SLC36A1: variants seen among roughly 807,000 people sequenced by gnomAD.
SLC36A1 encodes solute carrier family 36 member 1, also known as proton-coupled amino acid transporter 1.
Under a neutral mutation model 47.5 loss-of-function variants are expected in SLC36A1, and 30 were observed. That is an observed-to-expected ratio of 0.63 (90% confidence interval 0.47 to 0.86). SLC36A1 has a LOEUF of 0.86. Ranked by LOEUF, SLC36A1 falls within the 40% of genes least tolerant of loss-of-function variation. SLC36A1 has a pLI of 0.00. For missense variants in SLC36A1, 517 were observed against 606.0 expected, an observed-to-expected ratio of 0.85 and a Z score of 1.54; for synonymous variants, 255 against 249.7, an observed-to-expected ratio of 1.02 and a Z score of -0.20.
chr5:151,383,923 T>G, the SLC36A1 span, among the ~76,000 whole-genome samples: 2 of 152,214 alleles, frequency 1.3e-5, no homozygotes, highest in Non-Finnish European at 2.9e-5. Flanking sequence ...GGTACGTTAT[T>G]GGTATTTCAT....
At position 151,488,105 on chromosome 5, in the gene SLC36A1, G is replaced by A. The variant is rs1759804657; in HGVS notation, c.1282G>A (p.Gly428Ser). Residue 428 changes from glycine to serine, a missense_variant, in exon 11 of 11, where the codon GGC (glycine) becomes AGC (serine). By Grantham distance (56) the Gly-to-Ser change is moderately conservative. Transcript: ENST00000243389. ...LLEVTTFYSEGMSPLTIFKDA... is the reference protein window; with the variant it reads ...LLEVTTFYSESMSPLTIFKDA... ...GGAGGTCACCACCTTCTACTCAGAG[G>A]GCATGAGCCCCCTCACCATCTTTAA... 12 of 1,614,136 alleles carry A rather than the reference G, an allele frequency of 7.4e-6. No individual in the cohort carries two copies. In the East Asian group the frequency reaches 2.7e-4, roughly 36 times the overall value.
chr5:151,380,618 A>C, the SLC36A1 span: 1 of 551,454 alleles, frequency 1.8e-6, no homozygotes, highest in Non-Finnish European at 3.7e-6. Flanking sequence ...GAACTTCGTC[A>C]GTTTGTAGAT....
chr5:151,366,360 C>T, the SLC36A1 span: 18 of 168,148 alleles, frequency 1.1e-4, no homozygotes, highest in South Asian at 1.5e-3. Context: ...GGAAGTGAAG[C>T]GGGAAATGTT....
the SLC36A1 span, among the ~76,000 whole-genome samples, chr5:151,368,606 C>G: frequency 2.6e-5 from 4 of 152,188 alleles, no homozygotes; most frequent in Admixed American, 1.3e-4. Context: ...TCCTGAACCA[C>G]CTTCTTACCC....
At chr5:151,529,463 G>A in the SLC36A1 span, 5 of 1,366,032 alleles carry the variant, frequency 3.7e-6, no homozygotes, top group Non-Finnish European at 4.2e-6. Flanking sequence ...GAGGGTCTGA[G>A]CCCAGCCCTA....
At chr5:151,511,392 TA>T in the SLC36A1 span, 4 of 152,322 alleles carry the variant, frequency 2.6e-5, no homozygotes, top group East Asian at 7.7e-4. Flanking sequence ...ATGTATAGAA[TA>T]GCCATGCTGA....
the SLC36A1 span, chr5:151,507,257 C>G: frequency 6.2e-7 from 1 of 1,614,038 alleles, no homozygotes; most frequent in Non-Finnish European, 8.5e-7. Context: ...AGACCACTGG[C>G]CGTTGCTTAG....
the SLC36A1 span, among the ~76,000 whole-genome samples, chr5:151,394,815 G>T: frequency 2.0e-5 from 3 of 152,188 alleles, no homozygotes; most frequent in Non-Finnish European, 2.9e-5. Flanking sequence ...TGCCCCTACT[G>T]GGGGGTGCCT....
At chr5:151,538,491 C>T in the SLC36A1 span, among the ~76,000 whole-genome samples, 1 of 152,150 alleles carries the variant, frequency 6.6e-6, no homozygotes, top group Non-Finnish European at 1.5e-5. Flanking sequence ...GCCCACCCTC[C>T]CTTTGCTGCA....
At chr5:151,420,656 T>G in the SLC36A1 span, among the ~76,000 whole-genome samples, 1 of 152,164 alleles carries the variant, frequency 6.6e-6, no homozygotes. Flanking sequence ...TAGTACCTAT[T>G]ATAAAAAGTC....
chr5:151,411,540 G>T, the SLC36A1 span, among the ~76,000 whole-genome samples: 1 of 144,822 alleles, frequency 6.9e-6, no homozygotes, highest in Admixed American at 6.8e-5. Flanking sequence ...TGTGGACAGA[G>T]CCAGCTCACA....
chr5:151,360,926 C>T, the SLC36A1 span, among the ~76,000 whole-genome samples: 1 of 152,190 alleles, frequency 6.6e-6, no homozygotes, highest in Non-Finnish European at 1.5e-5. Flanking sequence ...TATCTTGAAA[C>T]CCTTCACTCC....
chr5:151,498,940 C>G, the SLC36A1 span, among the ~76,000 whole-genome samples: 1 of 152,194 alleles, frequency 6.6e-6, no homozygotes, highest in Non-Finnish European at 1.5e-5. Context: ...CGTGGCTGCT[C>G]GGCCACTTTC....
At chr5:151,387,967 G>A in the SLC36A1 span, among the ~76,000 whole-genome samples, 1 of 152,170 alleles carries the variant, frequency 6.6e-6, no homozygotes, top group African/African-American at 2.4e-5. Flanking sequence ...TAACAGGCAA[G>A]GAGATCAAAA....
chr5:151,345,092 A>G, the SLC36A1 span, among the ~76,000 whole-genome samples: 1 of 152,196 alleles, frequency 6.6e-6, no homozygotes, highest in Non-Finnish European at 1.5e-5. Context: ...AGTCTAAACC[A>G]TCAGGAGAAA....
At chr5:151,449,544 A>G (rs780120894) in intron 1 of SLC36A1, among the ~76,000 whole-genome samples, 4 of 152,174 alleles carry the variant, frequency 2.6e-5, no homozygotes, top group Non-Finnish European at 5.9e-5. Flanking sequence ...CTGTTCATTC[A>G]GCCTCCTCTT....
At chr5:151,361,600 A>G in the SLC36A1 span, among the ~76,000 whole-genome samples, 1 of 152,222 alleles carries the variant, frequency 6.6e-6, no homozygotes, top group Non-Finnish European at 1.5e-5. Context: ...TACTAGAGTT[A>G]TGAGTGGATT....
intron 7 of SLC36A1, among the ~76,000 whole-genome samples, chr5:151,470,307 T>C (rs1757136847): frequency 6.6e-6 from 1 of 152,218 alleles, no homozygotes. Flanking sequence ...TTTTAAATCA[T>C]TGCAGGTAGT....
chr5:151,554,692 A>G, the SLC36A1 span: 1 of 1,594,024 alleles, frequency 6.3e-7, no homozygotes, highest in Non-Finnish European at 8.6e-7. Context: ...AGAATTGAGC[A>G]TGAGCACCTG....
Sources: gnomAD v4.1 joint callset for allele counts (sites outside exome capture counted in the v4.1 genomes callset) on GRCh38, gnomAD v4.1.1 for gene constraint, MANE v1.5 for transcripts, NCBI Gene and HGNC (gene_info 2026-07-23, HGNC 2026-07-21) for gene names.